The following SPATA6 variants were observed in gnomAD, a reference collection of about 807,000 sequenced individuals.
The protein encoded by SPATA6 is spermatogenesis associated 6, also known as spermatogenesis-associated protein 6.
A neutral mutation model predicts 65.3 loss-of-function variants in SPATA6; 56 were observed. That is an observed-to-expected ratio of 0.86 (90% CI 0.69 to 1.07). The LOEUF (loss-of-function observed/expected upper bound fraction) is 1.07, where lower values mean the gene tolerates loss of function less well. Among genes scored for constraint, SPATA6 ranks in the 50% least tolerant of loss-of-function variants. The pLI is 0.00. For missense variants in SPATA6, 590 were observed against 594.8 expected (o/e 0.99, Z 0.08); for synonymous variants, 199 against 213.2 (o/e 0.93, Z 0.58).
rs563893761 is a variant in SPATA6 at position 48,337,603 on chromosome 1, C to T, written c.1194+18067G>A. Among the ~76,000 whole-genome samples, 12 of 151,806 alleles carry T rather than the reference C, an allele frequency of 7.9e-5. No individual in the cohort carries two copies. The South Asian group carries it at 2.3e-3, about 29-fold the overall frequency. On this transcript the variant is annotated intron_variant, in intron 11 of 12. Coordinates refer to ENST00000371847, the MANE Select transcript of SPATA6 (RefSeq NM_019073.4). ...ATTATTTACAGATTATATTATTATA[C>T]ATTAGAACACTCAAAAACTACAATC...
rs1473112379 is a variant in SPATA6, at chr1:48,410,792, GA to G, written c.405+671del. On this transcript the variant is annotated intron_variant, in intron 5 of 12. Coordinates refer to ENST00000371847, the MANE Select transcript of SPATA6 (RefSeq NM_019073.4). Reference sequence around the variant, plus strand: ...TTGCTATCATGAGAACAGCACGGGGGAAACCACCCTCATGATCCAATCACCT... The same window carrying G: ...TTGCTATCATGAGAACAGCACGGGGGAACCACCCTCATGATCCAATCACCT... Among the ~76,000 whole-genome samples, 5 of 152,176 alleles carry G rather than the reference GA, an allele frequency of 3.3e-5. No individual in the cohort carries two copies. In the South Asian group the frequency reaches 1.0e-3, roughly 32 times the overall value.
intron 11 of SPATA6, among the ~76,000 whole-genome samples, chr1:48,315,177 C>T (rs1327979970): frequency 2.6e-5 from 4 of 152,204 alleles, no homozygotes; most frequent in African/African-American, 4.8e-5. Context: ...AGGGAATCCT[C>T]CCTAACTCAT....
At chr1:48,309,756 T>A (rs1418913421) in intron 11 of SPATA6, among the ~76,000 whole-genome samples, 1 of 152,172 alleles carries the variant, frequency 6.6e-6, no homozygotes, top group African/African-American at 2.4e-5. Context: ...TCAACATTCC[T>A]TTTTGTGGGT....
intron 3 of SPATA6, chr1:48,436,078 T>C (rs1416864151): frequency 6.2e-7 from 1 of 1,609,754 alleles, no homozygotes; most frequent in Non-Finnish European, 8.5e-7. Flanking sequence ...GCCAACCCTT[T>C]CCTGGTCACC....
chr1:48,404,804 T>G (rs1651542531), intron 5 of SPATA6, among the ~76,000 whole-genome samples: 1 of 152,220 alleles, frequency 6.6e-6, no homozygotes, highest in Non-Finnish European at 1.5e-5. Flanking sequence ...ATTTCTAACA[T>G]TTCAATCACC....
intron 11 of SPATA6, among the ~76,000 whole-genome samples, chr1:48,314,784 T>C (rs1266918737): frequency 2.6e-5 from 4 of 152,000 alleles, no homozygotes; most frequent in African/African-American, 2.4e-5. Flanking sequence ...ACAAAATTGA[T>C]AGACCGCTAG....
intron 11 of SPATA6, among the ~76,000 whole-genome samples, chr1:48,307,066 A>T (rs1645078945): frequency 6.6e-6 from 1 of 151,710 alleles, no homozygotes; most frequent in South Asian, 2.1e-4. Context: ...CCTTATTTTT[A>T]CCTATTCCGA....
chr1:48,442,889 T>A (rs1357785654), intron 3 of SPATA6, among the ~76,000 whole-genome samples: 2 of 152,190 alleles, frequency 1.3e-5, no homozygotes, highest in Non-Finnish European at 2.9e-5. Flanking sequence ...CTGAGGCCAC[T>A]GACAACCCAT....
chr1:48,359,486 C>T (rs1244325311), intron 10 of SPATA6, 100 bp downstream of exon 10: 2 of 1,331,442 alleles, frequency 1.5e-6, no homozygotes, highest in Admixed American at 2.3e-5. Context: ...AATCAAATTA[C>T]ACTTTTATAA....
the SPATA6 span, among the ~76,000 whole-genome samples, chr1:48,288,745 T>C: frequency 1.3e-5 from 2 of 152,172 alleles, no homozygotes; most frequent in African/African-American, 4.8e-5. Context: ...CCCTCACTCA[T>C]TGCTAGCACA....
intron 9 of SPATA6, 135 bp from the exon 10 acceptor site, chr1:48,359,905 CAT>C: frequency 3.2e-6 from 2 of 618,496 alleles, no homozygotes; most frequent in Non-Finnish European, 5.0e-6. Flanking sequence ...AGTAATAAAA[CAT>C]ATGCCACAGC....
the SPATA6 span, among the ~76,000 whole-genome samples, chr1:48,279,028 A>G: frequency 6.6e-6 from 1 of 152,334 alleles, no homozygotes; most frequent in South Asian, 2.1e-4. Context: ...GCCAATATTC[A>G]ACATTCTTAA....
chr1:48,309,233 T>G (rs938835972), intron 11 of SPATA6, among the ~76,000 whole-genome samples: 9 of 152,158 alleles, frequency 5.9e-5, no homozygotes, highest in African/African-American at 2.2e-4. Context: ...GAATTCTTAT[T>G]ACAGTATGTT....
At chr1:48,284,377 C>A in the SPATA6 span, among the ~76,000 whole-genome samples, 3 of 152,138 alleles carry the variant, frequency 2.0e-5, no homozygotes, top group Admixed American at 6.5e-5. Context: ...TTAGAACATG[C>A]TCCTTTAGTT....
intron 11 of SPATA6, among the ~76,000 whole-genome samples, chr1:48,327,575 A>T (rs1057478924): frequency 6.6e-6 from 1 of 152,156 alleles, no homozygotes; most frequent in Non-Finnish European, 1.5e-5. Context: ...GTTGATAATA[A>T]CCAAGTCATG....
intron 11 of SPATA6, among the ~76,000 whole-genome samples, chr1:48,343,598 T>G (rs1047029512): frequency 6.6e-6 from 1 of 152,134 alleles, no homozygotes; most frequent in African/African-American, 2.4e-5. Context: ...TAACTGCCAA[T>G]GAAAGACACA....
chr1:48,458,715 T>C (rs1389862704), intron 1 of SPATA6, among the ~76,000 whole-genome samples: 2 of 152,204 alleles, frequency 1.3e-5, no homozygotes, highest in African/African-American at 4.8e-5. Context: ...TTTGATTCCA[T>C]TTATAGAAAT....
intron 11 of SPATA6, among the ~76,000 whole-genome samples, chr1:48,341,980 C>T (rs1316481111): frequency 2.6e-5 from 4 of 152,124 alleles, no homozygotes; most frequent in African/African-American, 9.7e-5. Context: ...AGAATATACA[C>T]AATATATTGT....
chr1:48,435,936 T>G (rs1654897726), intron 3 of SPATA6: 1 of 1,570,554 alleles, frequency 6.4e-7, no homozygotes, highest in Non-Finnish European at 8.8e-7. Flanking sequence ...GATGGATTTT[T>G]GTCACTTTCT....
Sources: gnomAD v4.1 joint callset for allele counts (sites outside exome capture counted in the v4.1 genomes callset) on GRCh38, gnomAD v4.1.1 for gene constraint, MANE v1.5 for transcripts, NCBI Gene and HGNC (gene_info 2026-07-23, HGNC 2026-07-21) for gene names.